The following PLCB1 variants were observed in gnomAD, a reference collection of about 807,000 sequenced individuals.
The protein encoded by PLCB1 is 1-phosphatidylinositol 4,5-bisphosphate phosphodiesterase beta-1.
A neutral mutation model predicts 161.8 loss-of-function variants in PLCB1; 46 were observed. That is an observed-to-expected ratio of 0.28 (90% CI 0.22 to 0.36). PLCB1 has a LOEUF of 0.36. Among genes scored for constraint, PLCB1 ranks in the 10% least tolerant of loss-of-function variants. PLCB1 has a pLI of 1.00. For missense variants in PLCB1, 1,016 were observed against 1,472.5 expected, an observed-to-expected ratio of 0.69 and a Z score of 5.07; for synonymous variants, 517 against 503.7, an observed-to-expected ratio of 1.03 and a Z score of -0.35.
chr20:8,664,874 C>T (rs1220763033), intron 9 of PLCB1, among the ~76,000 whole-genome samples: 2 of 152,150 alleles, frequency 1.3e-5, no homozygotes, highest in African/African-American at 2.4e-5. Context: ...CCTTTTTACT[C>T]ATGGTTCCTG....
At chr20:8,449,910 T>C (rs570336943) in intron 3 of PLCB1, among the ~76,000 whole-genome samples, 84 of 152,328 alleles carry the variant, frequency 5.5e-4, no homozygotes, top group African/African-American at 2.0e-3. Flanking sequence ...GACTATAATG[T>C]CCATCATACC....
intron 3 of PLCB1, among the ~76,000 whole-genome samples, chr20:8,403,598 ACAAGATAGCATGTGAG>A (rs1978657792): frequency 6.6e-6 from 1 of 151,998 alleles, no homozygotes; most frequent in East Asian, 1.9e-4. Context: ...ATGTTCAGAA[ACAAGATAGCATGTGAG>A]CAGGGTGTAG....
intron 16 of PLCB1, 116 bp from the exon 17 acceptor site, chr20:8,727,193 T>G: frequency 1.8e-6 from 1 of 545,720 alleles, no homozygotes; most frequent in South Asian, 2.7e-5. Flanking sequence ...ACATTGAGGA[T>G]TATTTGCCCT....
chr20:8,860,428 A>T (rs1303845091), intron 31 of PLCB1, among the ~76,000 whole-genome samples: 1 of 152,166 alleles, frequency 6.6e-6, no homozygotes, highest in Non-Finnish European at 1.5e-5. Flanking sequence ...CATATCACTG[A>T]TTTGGCATTT....
At chr20:8,585,897 A>G (rs1344246035) in intron 3 of PLCB1, among the ~76,000 whole-genome samples, 4 of 152,198 alleles carry the variant, frequency 2.6e-5, no homozygotes, top group African/African-American at 9.7e-5. Context: ...TTGACACTTC[A>G]TTAATACCCC....
intron 31 of PLCB1, among the ~76,000 whole-genome samples, chr20:8,835,307 C>G (rs1986237914): frequency 6.6e-6 from 1 of 152,170 alleles, no homozygotes; most frequent in Admixed American, 6.5e-5. Context: ...AGGCTGGTAG[C>G]AGGCTTGATA....
At chr20:8,469,744 G>C (rs931529972) in intron 3 of PLCB1, among the ~76,000 whole-genome samples, 4 of 152,116 alleles carry the variant, frequency 2.6e-5, no homozygotes, top group Admixed American at 1.3e-4. Flanking sequence ...CAAGTAACCA[G>C]TCACCTATTT....
chr20:8,177,614 GTATTAT>G (rs551355156), intron 2 of PLCB1, among the ~76,000 whole-genome samples: 2 of 151,338 alleles, frequency 1.3e-5, no homozygotes, highest in African/African-American at 4.9e-5. Context: ...CAGGGCCCAA[GTATTAT>G]TATTATTATT....
chr20:8,668,601 G>A (rs1989871559), intron 9 of PLCB1, among the ~76,000 whole-genome samples: 1 of 152,168 alleles, frequency 6.6e-6, no homozygotes, highest in South Asian at 2.1e-4. Flanking sequence ...GGGCAGTAGG[G>A]AGTGTGAACG....
intron 3 of PLCB1, among the ~76,000 whole-genome samples, chr20:8,608,952 T>G (rs1244878046): frequency 1.3e-5 from 2 of 152,196 alleles, no homozygotes; most frequent in Non-Finnish European, 2.9e-5. Flanking sequence ...TTGAGATGTA[T>G]AAATATAAGC....
chr20:8,648,270 G>A lies in PLCB1; in HGVS notation c.518+317G>A, dbSNP rs553079717. ...TCTGTTCTAGGAGTGGAAATTGGCC[G>A]ACCTCAGTGCCTCTTTCTACCAAGA... is the stretch of plus-strand genomic sequence containing the variant. On this transcript the variant is annotated intron_variant, in intron 6 of 31. Coordinates refer to ENST00000338037, the MANE Select transcript of PLCB1 (RefSeq NM_015192.4). Among the ~76,000 whole-genome samples, 19 of 152,292 alleles carry A rather than the reference G, an allele frequency of 1.2e-4. 1 individual carries two copies. The South Asian group carries it at 2.9e-3, about 23-fold the overall frequency.
At chr20:8,506,161 C>A (rs534298445) in intron 3 of PLCB1, among the ~76,000 whole-genome samples, 1 of 152,242 alleles carries the variant, frequency 6.6e-6, no homozygotes, top group South Asian at 2.1e-4. Context: ...TGGTCGCTTT[C>A]TTTGGTTTGC....
chr20:8,351,054 A>G (rs1184364020), intron 2 of PLCB1, among the ~76,000 whole-genome samples: 1 of 152,184 alleles, frequency 6.6e-6, no homozygotes, highest in Non-Finnish European at 1.5e-5. Flanking sequence ...ATACAAAACT[A>G]AAATGGAAGA....
rs907935008 is a variant in PLCB1, at chr20:8,560,900, G to A, written c.247-67394G>A. 5.3e-5 allele frequency among the ~76,000 whole-genome samples: 8 copies of A among 152,028 alleles called. No homozygotes were observed. The East Asian group carries it at 5.8e-4, about 11-fold the overall frequency. On this transcript the variant is annotated intron_variant, in intron 3 of 31. Transcript: ENST00000338037. ...AATAAGTAAAATGGGTGGCATTGTC[G>A]GATTTTCTCCATGTTCACTGAGGAA...
At chr20:8,592,986 G>C (rs1342647501) in intron 3 of PLCB1, among the ~76,000 whole-genome samples, 2 of 152,098 alleles carry the variant, frequency 1.3e-5, no homozygotes, top group East Asian at 3.9e-4. Flanking sequence ...ATCTCTGAGG[G>C]TGGGATCCAG....
At chr20:8,344,182 T>C (rs1414393917) in intron 2 of PLCB1, among the ~76,000 whole-genome samples, 1 of 152,236 alleles carries the variant, frequency 6.6e-6, no homozygotes, top group Non-Finnish European at 1.5e-5. Context: ...TAATTCTTTT[T>C]CTTTGAATCT....
At chr20:8,202,685 A>G (rs2123128970) in intron 2 of PLCB1, among the ~76,000 whole-genome samples, 1 of 152,318 alleles carries the variant, frequency 6.6e-6, no homozygotes, top group South Asian at 2.1e-4. Flanking sequence ...CAGGCAATGC[A>G]TTGTGTTCTG....
intron 6 of PLCB1, 69 bp from the exon 7 acceptor site, chr20:8,649,305 G>T: frequency 2.2e-6 from 2 of 897,272 alleles, no homozygotes; most frequent in Non-Finnish European, 3.7e-6. Flanking sequence ...TTTTGAGTTG[G>T]CATCATCTGT....
intron 2 of PLCB1, among the ~76,000 whole-genome samples, chr20:8,242,389 A>G (rs1045047181): frequency 5.3e-5 from 8 of 151,954 alleles, no homozygotes; most frequent in Admixed American, 3.3e-4. Context: ...ATCATGGCAC[A>G]AGCAGCTCCT....
Sources: gnomAD v4.1 joint callset for allele counts (sites outside exome capture counted in the v4.1 genomes callset) on GRCh38, gnomAD v4.1.1 for gene constraint, MANE v1.5 for transcripts, NCBI Gene and HGNC (gene_info 2026-07-23, HGNC 2026-07-21) for gene names.